CDH18: variants seen among roughly 807,000 people sequenced by gnomAD.
CDH18 encodes cadherin 18, also known as cadherin-18.
In CDH18, 31 loss-of-function variants were observed where a neutral mutation model predicts 67.9. That is an observed-to-expected ratio of 0.46 (90% confidence interval 0.34 to 0.62). The LOEUF is 0.62. CDH18 is among the 20% of genes least tolerant of loss of function. CDH18 has a pLI of 0.01. For missense variants in CDH18, 890 were observed against 975.5 expected (o/e 0.91, Z 1.17); for synonymous variants, 362 against 347.2 (o/e 1.04, Z -0.48).
At chr5:20,083,167 G>A (rs532188543) in intron 2 of CDH18, among the ~76,000 whole-genome samples, 2 of 152,276 alleles carry the variant, frequency 1.3e-5, no homozygotes, top group African/African-American at 4.8e-5. Context: ...TGATAAATGG[G>A]CACTTAGAGA....
chr5:20,108,323 C>A (rs1031876935), intron 2 of CDH18, among the ~76,000 whole-genome samples: 1 of 152,052 alleles, frequency 6.6e-6, no homozygotes, highest in African/African-American at 2.4e-5. Context: ...AACTTCTGAG[C>A]TCAGACAATC....
chr5:19,853,794 C>A (rs1412148302), intron 2 of CDH18, among the ~76,000 whole-genome samples: 1 of 152,080 alleles, frequency 6.6e-6, no homozygotes, highest in Non-Finnish European at 1.5e-5. Context: ...AACACAGCAG[C>A]TTCACTGAAA....
At chr5:19,542,790 A>C (rs1188212454) in intron 9 of CDH18, among the ~76,000 whole-genome samples, 1 of 150,512 alleles carries the variant, frequency 6.6e-6, no homozygotes, top group Non-Finnish European at 1.5e-5. Flanking sequence ...TAAGTAATGC[A>C]GAATTTTTTT....
chr5:20,064,641 T>C (rs1359739198), intron 2 of CDH18, among the ~76,000 whole-genome samples: 1 of 152,116 alleles, frequency 6.6e-6, no homozygotes, highest in Non-Finnish European at 1.5e-5. Flanking sequence ...GCTGAAGGCC[T>C]TGCTTCTTTT....
At chr5:19,878,807 A>G (rs901229601) in intron 2 of CDH18, among the ~76,000 whole-genome samples, 1 of 152,122 alleles carries the variant, frequency 6.6e-6, no homozygotes, top group Non-Finnish European at 1.5e-5. Context: ...CATACCGGAA[A>G]GTCATTTTAT....
intron 1 of CDH18, chr5:20,304,459 A>T: frequency 6.5e-7 from 1 of 1,536,358 alleles, no homozygotes; most frequent in South Asian, 1.1e-5. Context: ...CTTTGCATTC[A>T]CCACTGTCAC....
chr5:19,743,697 G>A (rs1399269834), intron 4 of CDH18, among the ~76,000 whole-genome samples: 2 of 152,086 alleles, frequency 1.3e-5, no homozygotes, highest in Non-Finnish European at 1.5e-5. Flanking sequence ...CAGAAGGGCG[G>A]ATCATTTGAG....
chr5:19,473,252 C>A lies in CDH18; in HGVS notation c.2347G>T (p.Glu783Ter), dbSNP rs764848176. 6.2e-7 allele frequency: 1 copy of A among 1,613,518 alleles called. No homozygotes were observed. The highest frequency in any genetic ancestry group is 8.5e-7 in the Non-Finnish European group (1 of 1,179,670). ...TAAGTTGTTCTTTCAGATTCTATTTCTCCATAGAGTTCAGCTAACTTTTTA... is the reference window on the plus strand; with the variant it reads ...TAAGTTGTTCTTTCAGATTCTATTTATCCATAGAGTTCAGCTAACTTTTTA... ...EFKKLAELYG[E>*]IESERTT The change falls in exon 13 of 13, where the codon GAA becomes TAA. Residue 783 changes from glutamate to a stop codon, truncating the protein, a stop_gained. Transcript: ENST00000382275. LOFTEE classifies it high-confidence loss of function.
intron 3 of CDH18, among the ~76,000 whole-genome samples, chr5:19,820,880 A>G (rs1779800456): frequency 6.6e-6 from 1 of 152,172 alleles, no homozygotes; most frequent in Non-Finnish European, 1.5e-5. Flanking sequence ...AACACAACCA[A>G]TCCATAATAC....
rs559383638 is a variant in CDH18, at chr5:19,681,393, T to G, written c.643+39954A>C. Among the ~76,000 whole-genome samples, 149 of 152,032 alleles carry G rather than the reference T, an allele frequency of 9.8e-4. 1 individual carries two copies. The highest frequency in any genetic ancestry group is 3.4e-3 in the African/African-American group (142 of 41,522). On this transcript the variant is annotated intron_variant, in intron 5 of 12. Transcript: ENST00000382275. ...TTTACCCTTGAGCCTAAAACAAAAG[T>G]AAAAATAAAAATAAAGTCCTTTTAG...
intron 1 of CDH18, among the ~76,000 whole-genome samples, chr5:20,342,803 G>A (rs191110719): frequency 2.3e-4 from 35 of 152,250 alleles, no homozygotes; most frequent in African/African-American, 8.4e-4. Context: ...TTAAAAGTTG[G>A]TCCACCATGA....
chr5:20,236,031 T>C (rs1038574556), intron 2 of CDH18, among the ~76,000 whole-genome samples: 1 of 152,088 alleles, frequency 6.6e-6, no homozygotes, highest in African/African-American at 2.4e-5. Context: ...AGCTAACCAT[T>C]GGGTATACCT....
At chr5:19,510,759 A>T (rs1381737772) in intron 10 of CDH18, among the ~76,000 whole-genome samples, 1 of 151,814 alleles carries the variant, frequency 6.6e-6, no homozygotes, top group Non-Finnish European at 1.5e-5. Flanking sequence ...TTGGATCATG[A>T]GGGTGGCTTT....
intron 3 of CDH18, among the ~76,000 whole-genome samples, chr5:19,826,181 A>G (rs986669403): frequency 6.6e-6 from 1 of 152,196 alleles, no homozygotes; most frequent in Non-Finnish European, 1.5e-5. Flanking sequence ...AAATAAAGAA[A>G]AAGCAATATA....
intron 5 of CDH18, among the ~76,000 whole-genome samples, chr5:19,619,699 T>G (rs1216755759): frequency 6.6e-6 from 1 of 152,178 alleles, no homozygotes; most frequent in Non-Finnish European, 1.5e-5. Flanking sequence ...GTTTAAATAA[T>G]TCTACTGCTG....
At chr5:19,701,808 A>C (rs1266076067) in intron 5 of CDH18, among the ~76,000 whole-genome samples, 1 of 152,126 alleles carries the variant, frequency 6.6e-6, no homozygotes, top group East Asian at 1.9e-4. Flanking sequence ...TTATCTGAGG[A>C]ATTTAGAAAT....
intron 5 of CDH18, among the ~76,000 whole-genome samples, chr5:19,659,029 C>G (rs1319083963): frequency 2.0e-5 from 3 of 152,118 alleles, no homozygotes; most frequent in African/African-American, 7.2e-5. Flanking sequence ...AACCATCATT[C>G]TCAGCAAACT....
intron 2 of CDH18, among the ~76,000 whole-genome samples, chr5:19,944,183 T>C (rs1270528936): frequency 6.6e-6 from 1 of 152,140 alleles, no homozygotes; most frequent in Admixed American, 6.6e-5. Flanking sequence ...GGTTTAGTAA[T>C]GGAATTTCCA....
chr5:20,563,996 C>T (rs558177452), intron 1 of CDH18, among the ~76,000 whole-genome samples: 37 of 152,108 alleles, frequency 2.4e-4, no homozygotes, highest in African/African-American at 8.4e-4. Context: ...TTAATAAGTA[C>T]CCTACTTCTA....
Sources: gnomAD v4.1 joint callset for allele counts (sites outside exome capture counted in the v4.1 genomes callset) on GRCh38, gnomAD v4.1.1 for gene constraint, MANE v1.5 for transcripts, NCBI Gene and HGNC (gene_info 2026-07-23, HGNC 2026-07-21) for gene names.